The following DLG2 variants were observed in gnomAD, a reference collection of about 807,000 sequenced individuals.
DLG2 encodes disks large homolog 2.
Under a neutral mutation model 132.5 loss-of-function variants are expected in DLG2, and 45 were observed. The ratio of observed to expected loss-of-function variants is 0.34; its 90% CI spans 0.27 to 0.44. The LOEUF is 0.44. DLG2 is among the 20% of genes least tolerant of loss of function. DLG2 has a pLI of 1.00. For synonymous variants in DLG2, 424 were observed against 419.6 expected (o/e 1.01, Z -0.13); for missense variants, 1,045 against 1,196.9 (o/e 0.87, Z 1.87).
intron 3 of DLG2, among the ~76,000 whole-genome samples, chr11:85,339,057 A>T (rs1252474581): frequency 6.6e-6 from 1 of 152,176 alleles, no homozygotes; most frequent in Admixed American, 6.6e-5. Context: ...AAATAAGCAG[A>T]CATCTGTGTA....
At chr11:85,495,734 G>C (rs1331722708) in intron 3 of DLG2, among the ~76,000 whole-genome samples, 1 of 152,138 alleles carries the variant, frequency 6.6e-6, no homozygotes, top group Non-Finnish European at 1.5e-5. Context: ...AATTCCTCAA[G>C]GATCTAGAAC....
At chr11:84,563,513 G>T (rs2099436313) in intron 6 of DLG2, among the ~76,000 whole-genome samples, 4 of 152,148 alleles carry the variant, frequency 2.6e-5, no homozygotes, top group Admixed American at 2.6e-4. Flanking sequence ...TTGGCTGCAA[G>T]CAGCAGCACT....
intron 5 of DLG2, among the ~76,000 whole-genome samples, chr11:85,115,513 A>G (rs569661844): frequency 1.3e-5 from 2 of 152,008 alleles, no homozygotes; most frequent in Admixed American, 6.6e-5. Flanking sequence ...GGATAAATAA[A>G]CCATTTCATG....
At chr11:84,007,620 A>G (rs2094636744) in intron 11 of DLG2, among the ~76,000 whole-genome samples, 1 of 151,750 alleles carries the variant, frequency 6.6e-6, no homozygotes, top group African/African-American at 2.4e-5. Context: ...AATATTTTGC[A>G]TGCTAAAATA....
chr11:84,754,086 T>C (rs2066535611), intron 6 of DLG2, among the ~76,000 whole-genome samples: 1 of 152,122 alleles, frequency 6.6e-6, no homozygotes, highest in South Asian at 2.1e-4. Context: ...ACAGATAACC[T>C]TGAGTATAGA....
chr11:84,221,964 C>T (rs2096922194), intron 8 of DLG2, among the ~76,000 whole-genome samples: 1 of 151,904 alleles, frequency 6.6e-6, no homozygotes, highest in African/African-American at 2.4e-5. Context: ...CTAATAGTAA[C>T]AATATTAGCA....
At chr11:85,413,347 G>A (rs563696978) in intron 3 of DLG2, among the ~76,000 whole-genome samples, 18 of 152,118 alleles carry the variant, frequency 1.2e-4, no homozygotes, top group Admixed American at 3.3e-4. Context: ...TTCCCACTCT[G>A]TGGGTTGTCT....
chr11:83,476,060 G>A (rs1436479350), intron 22 of DLG2, among the ~76,000 whole-genome samples: 1 of 152,046 alleles, frequency 6.6e-6, no homozygotes, highest in Non-Finnish European at 1.5e-5. Flanking sequence ...CTAGAGAAAA[G>A]CAAATTGCCA....
At chr11:84,714,145 A>T (rs751423032) in intron 6 of DLG2, among the ~76,000 whole-genome samples, 5 of 150,972 alleles carry the variant, frequency 3.3e-5, no homozygotes, top group Non-Finnish European at 5.9e-5. Context: ...GTTTTTTTCT[A>T]ATATATTTCA....
At chr11:84,056,073 TC>T (rs769346979) in intron 11 of DLG2, among the ~76,000 whole-genome samples, 2 of 152,220 alleles carry the variant, frequency 1.3e-5, no homozygotes, top group South Asian at 4.1e-4. Context: ...GTTTTTTTTT[TC>T]TTTTAAAGTT....
At chr11:84,270,595 CAGA>C (rs2097708106) in intron 7 of DLG2, among the ~76,000 whole-genome samples, 2 of 152,138 alleles carry the variant, frequency 1.3e-5, no homozygotes, top group Non-Finnish European at 2.9e-5. Context: ...TGTTAGTTCA[CAGA>C]ACTACATTGA....
intron 20 of DLG2, among the ~76,000 whole-genome samples, chr11:83,533,303 A>G (rs893822951): frequency 6.6e-6 from 1 of 152,082 alleles, no homozygotes; most frequent in African/African-American, 2.4e-5. Flanking sequence ...CTGCAGATTC[A>G]TTGTTTTCCT....
chr11:85,348,080 G>C (rs560614717), intron 3 of DLG2, among the ~76,000 whole-genome samples: 3 of 145,388 alleles, frequency 2.1e-5, no homozygotes, highest in African/African-American at 7.6e-5. Context: ...CCGCCTCCCT[G>C]GTTCAAGCGA....
At chr11:85,292,784 G>A (rs1232096053) in intron 3 of DLG2, among the ~76,000 whole-genome samples, 1 of 147,490 alleles carries the variant, frequency 6.8e-6, no homozygotes, top group Non-Finnish European at 1.5e-5. Context: ...AGGGAGTGGG[G>A]GTGGGGCAGA....
chr11:84,698,730 T>C (rs1021289013), intron 6 of DLG2, among the ~76,000 whole-genome samples: 1 of 151,564 alleles, frequency 6.6e-6, no homozygotes, highest in African/African-American at 2.4e-5. Context: ...CTTTTACATA[T>C]ACATTGCTTT....
At chr11:85,613,131 C>A (rs944653607) in intron 2 of DLG2, among the ~76,000 whole-genome samples, 1 of 152,156 alleles carries the variant, frequency 6.6e-6, no homozygotes, top group African/African-American at 2.4e-5. Flanking sequence ...GGCAATATGG[C>A]TCCTCCCCTT....
intron 4 of DLG2, among the ~76,000 whole-genome samples, chr11:85,268,338 T>C (rs945323407): frequency 1.3e-5 from 2 of 152,226 alleles, no homozygotes; most frequent in East Asian, 1.9e-4. Flanking sequence ...CTCACATATC[T>C]GTGACCTGGA....
At chr11:83,649,086 G>C (rs1171955726) in intron 18 of DLG2, among the ~76,000 whole-genome samples, 1 of 152,114 alleles carries the variant, frequency 6.6e-6, no homozygotes, top group African/African-American at 2.4e-5. Context: ...GGCACAACAC[G>C]GGGTTGGGGG....
chr11:84,373,339 G>A (rs2098716594), intron 7 of DLG2, among the ~76,000 whole-genome samples: 1 of 150,038 alleles, frequency 6.7e-6, no homozygotes, highest in Admixed American at 6.7e-5. Context: ...GGAGGCCAAG[G>A]CAGGTAGATC....
Sources: gnomAD v4.1 joint callset for allele counts (sites outside exome capture counted in the v4.1 genomes callset) on GRCh38, gnomAD v4.1.1 for gene constraint, MANE v1.5 for transcripts, NCBI Gene and HGNC (gene_info 2026-07-23, HGNC 2026-07-21) for gene names.